GDE1: variants seen among roughly 807,000 people sequenced by gnomAD.
The protein encoded by GDE1 is glycerophosphodiester phosphodiesterase 1.
GDE1 carries 24 observed loss-of-function variants against 32.2 expected under a neutral mutation model. The observed-to-expected ratio is 0.75, with a 90% CI of 0.54 to 1.05. GDE1 has a LOEUF of 1.05. Ranked by LOEUF, GDE1 falls within the 50% of genes least tolerant of loss-of-function variation. The pLI is 0.00. For synonymous variants in GDE1, 159 were observed against 158.6 expected, an observed-to-expected ratio of 1.00 and a Z score of -0.02; for missense variants, 380 against 415.0, an observed-to-expected ratio of 0.92 and a Z score of 0.73.
At chr16:19,504,513 A>G (rs1969219460) in intron 5 of GDE1, 1 of 190,322 alleles carries the variant, frequency 5.3e-6, no homozygotes, top group Non-Finnish European at 1.1e-5. Context: ...TGCCTATAAC[A>G]TAAGACGGTA....
chr16:19,518,522 T>C (rs1049571535), intron 1 of GDE1, among the ~76,000 whole-genome samples: 1 of 152,216 alleles, frequency 6.6e-6, no homozygotes, highest in Admixed American at 6.5e-5. Context: ...CAGTAGAAGT[T>C]GCACTCTTAT....
At chr16:19,515,935 A>G (rs377178935) in intron 2 of GDE1, among the ~76,000 whole-genome samples, 69 of 152,094 alleles carry the variant, frequency 4.5e-4, no homozygotes, top group African/African-American at 1.6e-3. Flanking sequence ...AGTACAGTAT[A>G]TTACTCAGCA....
chr16:19,512,138 A>T (rs1016934722), intron 2 of GDE1, among the ~76,000 whole-genome samples: 6 of 151,736 alleles, frequency 4.0e-5, no homozygotes, highest in African/African-American at 1.5e-4. Flanking sequence ...TTTTTGAGAA[A>T]CCTCCATACT....
intron 1 of GDE1, among the ~76,000 whole-genome samples, chr16:19,519,420 A>G (rs1346889815): frequency 7.6e-5 from 11 of 145,336 alleles, no homozygotes; most frequent in Non-Finnish European, 1.3e-4. Context: ...GGAACCATGG[A>G]TGAAAACCTA....
At chr16:19,510,771 T>C in intron 3 of GDE1, 68 bp downstream of exon 3, 1 of 699,190 alleles carries the variant, frequency 1.4e-6, no homozygotes, top group East Asian at 2.7e-5. Context: ...TATATGTAAC[T>C]TCGGAAATGA....
intron 3 of GDE1, among the ~76,000 whole-genome samples, chr16:19,510,050 G>A (rs934427335): frequency 1.1e-4 from 17 of 151,972 alleles, no homozygotes; most frequent in African/African-American, 3.4e-4. Context: ...GGCCCTTACC[G>A]ATTATTAATA....
intron 2 of GDE1, 125 bp downstream of exon 2, chr16:19,516,889 G>A (rs1969386729): frequency 2.8e-6 from 2 of 717,492 alleles, no homozygotes; most frequent in Admixed American, 5.4e-5. Context: ...TTACTTACAA[G>A]ACCTACGTAC....
intron 5 of GDE1, chr16:19,503,894 C>T (rs1041476869): frequency 3.0e-6 from 1 of 333,824 alleles, no homozygotes; most frequent in East Asian, 4.7e-5. Flanking sequence ...GACCTGGCCC[C>T]GACCTGTCTC....
chr16:19,509,193 T>C (rs1237309604), intron 3 of GDE1, among the ~76,000 whole-genome samples: 2 of 152,016 alleles, frequency 1.3e-5, no homozygotes, highest in Non-Finnish European at 2.9e-5. Flanking sequence ...TCTCAGCTGC[T>C]TGGGAGGCTG....
At chr16:19,517,974 G>GCCTCCTGGGTTCAAGCCATCCTCCCA (rs1969403120) in intron 1 of GDE1, among the ~76,000 whole-genome samples, 1 of 149,850 alleles carries the variant, frequency 6.7e-6, no homozygotes, top group Non-Finnish European at 1.5e-5. Flanking sequence ...TAAAACCTCC[G>GCCTCCTGGGTTCAAGCCATCCTCCCA]CCTCCTGGGT....
At chr16:19,514,356 A>T (rs1431078055) in intron 2 of GDE1, among the ~76,000 whole-genome samples, 1 of 152,200 alleles carries the variant, frequency 6.6e-6, no homozygotes, top group East Asian at 1.9e-4. Context: ...ATGTGTTCAA[A>T]TACAGATATT....
chr16:19,518,299 CTCTT>C (rs1447957414), intron 1 of GDE1, among the ~76,000 whole-genome samples: 2 of 152,174 alleles, frequency 1.3e-5, no homozygotes, highest in Non-Finnish European at 2.9e-5. Context: ...TTTCCTCAGT[CTCTT>C]TCTGTACTAA....
intron 4 of GDE1, among the ~76,000 whole-genome samples, chr16:19,506,895 A>G (rs1969254290): frequency 6.6e-6 from 1 of 152,098 alleles, no homozygotes; most frequent in Admixed American, 6.6e-5. Context: ...GCACTTTGAG[A>G]GGCTGAGGTG....
At chr16:19,507,502 C>A (rs1437076186) in intron 4 of GDE1, among the ~76,000 whole-genome samples, 185 bp downstream of exon 4, 1 of 152,166 alleles carries the variant, frequency 6.6e-6, no homozygotes, top group Non-Finnish European at 1.5e-5. Context: ...GGAATAATGG[C>A]ATTCTGTAAG....
intron 2 of GDE1, among the ~76,000 whole-genome samples, chr16:19,511,437 CT>C (rs1202141987): frequency 6.6e-6 from 1 of 152,080 alleles, no homozygotes; most frequent in Admixed American, 6.6e-5. Context: ...TATAGATATT[CT>C]TTTTTCCACA....
chr16:19,506,041 G>A (rs1950038656), intron 4 of GDE1, among the ~76,000 whole-genome samples: 1 of 152,118 alleles, frequency 6.6e-6, no homozygotes, highest in African/African-American at 2.4e-5. Context: ...AGCATCAATA[G>A]CAGCCAAAAA....
In GDE1 at chr16:19,504,982, T is replaced by A; in HGVS notation, c.747A>T (p.Ile249=). Residue 249 remains isoleucine, a synonymous_variant, in exon 5 of 6, where the codon ATA becomes ATT. Coordinates refer to ENST00000353258, the MANE Select transcript of GDE1 (RefSeq NM_016641.4). ...CGAGCAAAATGTCCATCATAACAAA[T>A]ATAAAATGTTTCCAGAAAGTATCAT... The part of the protein sequence containing the change: ...PRYDTFWKHF[I]FVMMDILLDW... 1.2e-6 allele frequency: 2 copies of A among 1,612,960 alleles called. No individual in the cohort carries two copies. The highest frequency in any genetic ancestry group is 2.2e-5 in the South Asian group (2 of 91,064).
intron 3 of GDE1, among the ~76,000 whole-genome samples, chr16:19,508,167 A>G (rs1213020648): frequency 6.6e-6 from 1 of 152,172 alleles, no homozygotes; most frequent in African/African-American, 2.4e-5. Flanking sequence ...TCTAAATGAA[A>G]CATGAGCCAG....
chr16:19,516,390 C>A lies in GDE1; in HGVS notation c.437+624G>T, dbSNP rs953328552. Among the ~76,000 whole-genome samples, 3 of 152,222 alleles carry A rather than the reference C, an allele frequency of 2.0e-5. No individual in the cohort carries two copies. The East Asian group carries it at 5.8e-4, about 29-fold the overall frequency. ...AAGATTGATCTAGATCTGTAGTATC[C>A]TATATGGTAGCCACACATGGCTATT... On this transcript the variant is annotated intron_variant, in intron 2 of 5. Coordinates refer to ENST00000353258, the MANE Select transcript of GDE1 (RefSeq NM_016641.4).
Sources: gnomAD v4.1 joint callset for allele counts (sites outside exome capture counted in the v4.1 genomes callset) on GRCh38, gnomAD v4.1.1 for gene constraint, MANE v1.5 for transcripts, NCBI Gene and HGNC (gene_info 2026-07-23, HGNC 2026-07-21) for gene names.